TXNRD1: variants seen among roughly 807,000 people sequenced by gnomAD.
The protein encoded by TXNRD1 is thioredoxin reductase 1, cytoplasmic.
A neutral mutation model predicts 80.3 loss-of-function variants in TXNRD1; 57 were observed. The ratio of observed to expected loss-of-function variants is 0.71; its 90% CI spans 0.57 to 0.89. The LOEUF is 0.89. Ranked by LOEUF, TXNRD1 falls within the 40% of genes least tolerant of loss-of-function variation. The pLI is 0.00. For missense variants in TXNRD1, 730 were observed against 803.0 expected (o/e 0.91, Z 1.10); for synonymous variants, 291 against 285.2 (o/e 1.02, Z -0.20).
intron 1 of TXNRD1, among the ~76,000 whole-genome samples, chr12:104,221,614 G>A (rs953897678): frequency 1.3e-5 from 2 of 152,124 alleles, no homozygotes; most frequent in African/African-American, 4.8e-5. Flanking sequence ...CACCGCTCCC[G>A]GCCACCTGTT....
intron 1 of TXNRD1, among the ~76,000 whole-genome samples, chr12:104,242,103 A>AT (rs1219774403): frequency 1.3e-5 from 2 of 150,924 alleles, no homozygotes; most frequent in Non-Finnish European, 3.0e-5. Flanking sequence ...ACACCTGGCT[A>AT]TTTTTTTGTA....
intron 4 of TXNRD1, chr12:104,303,770 C>G (rs536979538): frequency 8.3e-7 from 1 of 1,203,358 alleles, no homozygotes; most frequent in South Asian, 1.7e-5. Context: ...TAACTGCCGC[C>G]ACTTTCCACA....
At chr12:104,219,184 G>C (rs967508940) in intron 1 of TXNRD1, among the ~76,000 whole-genome samples, 8 of 151,726 alleles carry the variant, frequency 5.3e-5, no homozygotes, top group Non-Finnish European at 8.8e-5. Context: ...GGCCTCAAGT[G>C]ATCCTCCTGC....
intron 12 of TXNRD1, 118 bp from the exon 13 acceptor site, chr12:104,327,397 T>A (rs2035801395): frequency 1.6e-5 from 16 of 975,218 alleles, no homozygotes; most frequent in Admixed American, 2.6e-5. Flanking sequence ...TTTAACACAT[T>A]AGAACATTGC....
intron 3 of TXNRD1, among the ~76,000 whole-genome samples, chr12:104,288,090 A>G (rs1167687672): frequency 6.6e-6 from 1 of 152,140 alleles, no homozygotes; most frequent in Non-Finnish European, 1.5e-5. Context: ...CCCTGGGTTC[A>G]AGCGATTCTC....
intron 1 of TXNRD1, among the ~76,000 whole-genome samples, chr12:104,219,050 C>G (rs1429655925): frequency 6.6e-6 from 1 of 152,172 alleles, no homozygotes; most frequent in Non-Finnish European, 1.5e-5. Context: ...TCAAGTAATC[C>G]TCCTGCCTCA....
chr12:104,312,109 T>C (rs1313490685), intron 5 of TXNRD1, among the ~76,000 whole-genome samples: 2 of 152,180 alleles, frequency 1.3e-5, no homozygotes, highest in Non-Finnish European at 2.9e-5. Flanking sequence ...AATATTTGTC[T>C]TTTTCACTTG....
At chr12:104,217,127 G>C (rs925411235) in intron 1 of TXNRD1, among the ~76,000 whole-genome samples, 1 of 152,126 alleles carries the variant, frequency 6.6e-6, no homozygotes, top group African/African-American at 2.4e-5. Flanking sequence ...GCAAGGTCCA[G>C]GTCAGGCAGC....
intron 4 of TXNRD1, among the ~76,000 whole-genome samples, chr12:104,305,814 C>T (rs2034888135): frequency 6.6e-6 from 1 of 152,214 alleles, no homozygotes; most frequent in Non-Finnish European, 1.5e-5. Flanking sequence ...CCTTTGTGGT[C>T]TTTGCTAGTA....
intron 4 of TXNRD1, among the ~76,000 whole-genome samples, chr12:104,309,045 A>C (rs937996535): frequency 1.3e-5 from 2 of 151,718 alleles, no homozygotes; most frequent in African/African-American, 4.8e-5. Context: ...CTACAGGTGC[A>C]CGCCTCCACG....
intron 6 of TXNRD1, among the ~76,000 whole-genome samples, chr12:104,315,252 C>T (rs1179874653): frequency 1.3e-5 from 2 of 152,230 alleles, no homozygotes; most frequent in African/African-American, 2.4e-5. Flanking sequence ...TCCCGAACAT[C>T]ATAGCTTAGC....
intron 4 of TXNRD1, among the ~76,000 whole-genome samples, chr12:104,305,541 A>G (rs895305438): frequency 2.6e-5 from 4 of 152,232 alleles, no homozygotes; most frequent in Admixed American, 1.3e-4. Flanking sequence ...GTGAAAGGTG[A>G]GTAGAAACAC....
chr12:104,262,506 C>T (rs1038489176), intron 3 of TXNRD1: 2 of 152,182 alleles, frequency 1.3e-5, no homozygotes, highest in African/African-American at 4.8e-5. Flanking sequence ...TCTGTTTCTT[C>T]TGGGTTCCAA....
intron 4 of TXNRD1, among the ~76,000 whole-genome samples, chr12:104,295,003 T>C (rs2034390030): frequency 6.6e-6 from 1 of 152,214 alleles, no homozygotes; most frequent in Non-Finnish European, 1.5e-5. Context: ...TTGGCTTGAT[T>C]AAAGTTGAGG....
chr12:104,330,955 C>T (rs1030756367), intron 13 of TXNRD1, among the ~76,000 whole-genome samples: 2 of 152,038 alleles, frequency 1.3e-5, no homozygotes, highest in Non-Finnish European at 1.5e-5. Flanking sequence ...TCAGTTAATA[C>T]ATGTAGCCTT....
intron 2 of TXNRD1, among the ~76,000 whole-genome samples, chr12:104,256,006 A>C (rs2033241293): frequency 6.6e-6 from 1 of 152,152 alleles, no homozygotes; most frequent in Non-Finnish European, 1.5e-5. Flanking sequence ...TAAAGTGGTG[A>C]ATTTCTTCTG....
chr12:104,267,262 T>TCTTTCTTTCTTC (rs2033521974), intron 3 of TXNRD1, among the ~76,000 whole-genome samples: 1 of 140,020 alleles, frequency 7.1e-6, no homozygotes, highest in South Asian at 2.4e-4. Flanking sequence ...TTTCTTTCTT[T>TCTTTCTTTCTTC]CTTTCTTTCT....
Position 104,281,564 on chromosome 12 carries a change from G to A in TXNRD1, c.305-7367G>A, listed in dbSNP as rs564568758. Among the ~76,000 whole-genome samples, 13 of 151,542 alleles carry A rather than the reference G, an allele frequency of 8.6e-5. No individual in the cohort carries two copies. In the East Asian group the frequency reaches 1.2e-3, roughly 14 times the overall value. On this transcript the variant is annotated intron_variant, in intron 3 of 16. Coordinates refer to ENST00000525566, the MANE Select transcript of TXNRD1 (RefSeq NM_001093771.3). ...TGGGACTACAGGCGCCTGCTACCAC[G>A]CCCGGTTAATTTTTTGTATTTTTAG... is the stretch of plus-strand genomic sequence containing the variant.
intron 1 of TXNRD1, among the ~76,000 whole-genome samples, chr12:104,249,746 T>C (rs376642926): frequency 2.9e-4 from 44 of 151,816 alleles, no homozygotes; most frequent in South Asian, 1.3e-3. Context: ...CCATCCTGGC[T>C]AACATGGTGA....
Sources: gnomAD v4.1 joint callset for allele counts (sites outside exome capture counted in the v4.1 genomes callset) on GRCh38, gnomAD v4.1.1 for gene constraint, MANE v1.5 for transcripts, NCBI Gene and HGNC (gene_info 2026-07-23, HGNC 2026-07-21) for gene names.